TTBK1: variants seen among roughly 807,000 people sequenced by gnomAD.
TTBK1 encodes the protein tau-tubulin kinase 1.
TTBK1 carries 34 observed loss-of-function variants against 108.5 expected under a neutral mutation model. The ratio of observed to expected loss-of-function variants is 0.31; its 90% CI spans 0.24 to 0.42. The LOEUF (loss-of-function observed/expected upper bound fraction) is 0.42. Among genes scored for constraint, TTBK1 ranks in the 10% least tolerant of loss-of-function variants. The probability of loss-of-function intolerance (pLI) is 1.00; values close to 1 mark genes in which losing one functional copy is unlikely to be tolerated. For missense variants in TTBK1, 1,539 were observed against 1,826.0 expected (o/e 0.84, Z 2.86); for synonymous variants, 809 against 795.1 (o/e 1.02, Z -0.29).
chr6:43,283,094 G>C lies in TTBK1; in HGVS notation c.2354G>C (p.Arg785Pro). Residue 785 changes from arginine to proline, a missense_variant, in exon 14 of 15, where the codon CGT (arginine) becomes CCT (proline). Transcript: ENST00000259750. This position sits in a 1 kb window ranked among gnomAD's most constrained non-coding sequence, Gnocchi z 8.1. ...AVALGEVLGP[R>P]SGSSSEGSER... Reference sequence around the variant, plus strand: ...GCCTTGGGGGAGGTGCTGGGGCCTCGTAGTGGCTCCAGCAGTGAGGGGAGT... The same window carrying C: ...GCCTTGGGGGAGGTGCTGGGGCCTCCTAGTGGCTCCAGCAGTGAGGGGAGT... 6.3e-7 allele frequency: 1 copy of C among 1,583,774 alleles called. No homozygotes were observed. The highest frequency in any genetic ancestry group is 1.9e-4 in the Middle Eastern group (1 of 5,254).
At chr6:43,271,867 C>CG in intron 13 of TTBK1, 12 of 602,866 alleles carry the variant, frequency 2.0e-5, no homozygotes, top group Non-Finnish European at 2.3e-5. Flanking sequence ...AATACTTGTG[C>CG]CCCACCCCCA....
At chr6:43,244,318 C>T (rs1175199327) in intron 1 of TTBK1, among the ~76,000 whole-genome samples, 1 of 152,174 alleles carries the variant, frequency 6.6e-6, no homozygotes. Context: ...CTCACACACA[C>T]CTGCTGACAC....
Position 43,257,051 on chromosome 6 carries a change from A to G in TTBK1, c.862-761A>G, listed in dbSNP as rs991183176. Among the ~76,000 whole-genome samples, 2 of 152,238 alleles carry G rather than the reference A, an allele frequency of 1.3e-5. No individual in the cohort carries two copies. Among genetic ancestry groups the G allele is most frequent in the Non-Finnish European group, 2.9e-5 (2 of 68,044 alleles). On this transcript the variant is annotated intron_variant, in intron 9 of 14. Transcript: ENST00000259750. The surrounding 1 kb of genome is among the most constrained non-coding windows in gnomAD (Gnocchi z 4.5). ...ACGATGCTGCATACTGTAGGAGTAG[A>G]GACAGCCTGAGGCACACAGGATGCA...
At chr6:43,271,466 T>C (rs1219305897) in intron 13 of TTBK1, 1 of 985,298 alleles carries the variant, frequency 1.0e-6, no homozygotes, top group Non-Finnish European at 1.2e-6. Flanking sequence ...GCCAGAAAGA[T>C]GTCTATGCAG....
chr6:43,250,442 C>T (rs188742795), intron 2 of TTBK1, among the ~76,000 whole-genome samples: 3 of 150,814 alleles, frequency 2.0e-5, no homozygotes, highest in African/African-American at 7.3e-5. Flanking sequence ...CTGCAGCCTC[C>T]GCCTCCCGGG....
At position 43,282,703 on chromosome 6, in the gene TTBK1, G is replaced by A. The variant is rs749696986; in HGVS notation, c.1987-24G>A. On this transcript the variant is annotated intron_variant, in intron 13 of 14. Coordinates refer to ENST00000259750, the MANE Select transcript of TTBK1 (RefSeq NM_032538.3). The surrounding 1 kb of genome is among the most constrained non-coding windows in gnomAD (Gnocchi z 5.4). Reference sequence around the variant, plus strand: ...CCCAGGAGGGTGGGTGACCTCAGAGGGTCCCTGTGTATGCCCCTTGCAGGT... The same window carrying A: ...CCCAGGAGGGTGGGTGACCTCAGAGAGTCCCTGTGTATGCCCCTTGCAGGT... 1 of 1,567,368 alleles carries A rather than the reference G, an allele frequency of 6.4e-7. No homozygotes were observed. Among genetic ancestry groups the A allele is most frequent in the Admixed American group, 1.9e-5 (1 of 52,098 alleles).
rs1778406495 is a variant in TTBK1, at chr6:43,287,332, CTCCTGGTGCCCAGG to C, written c.*1957_*1970del. 6.6e-6 allele frequency: 1 copy of C among 152,590 alleles called. No homozygotes were observed. Among genetic ancestry groups the C allele is most frequent in the African/African-American group, 2.4e-5 (1 of 41,404 alleles). The allele number at this position is 152,590 out of a possible 1,614,324, so 9.5% of individuals were successfully genotyped here. A position where few individuals can be genotyped will look rare whatever the true frequency, so the allele number is the denominator to read the frequency against. ...GTGCCAGGTGGGGACCAGGATATGA[CTCCTGGTGCCCAGG>C]CCCTGGGCCTGCTCCTTGCCACCAA... is the stretch of plus-strand genomic sequence containing the variant. On this transcript the variant is annotated 3_prime_UTR_variant, in exon 15 of 15. Transcript: ENST00000259750. The surrounding 1 kb of genome is among the most constrained non-coding windows in gnomAD (Gnocchi z 4.1).
rs760249935 is a variant in TTBK1, at chr6:43,282,940, G to A, written c.2200G>A (p.Glu734Lys). ...PVQPQANGKE[E>K]EEEEEEDEEE... is the part of the protein sequence containing the mutation. ...TCAGCCTCAGGCTAATGGGAAGGAGGAAGAGGAGGAGGAGGAGGAAGATGA... is the reference window on the plus strand; with the variant it reads ...TCAGCCTCAGGCTAATGGGAAGGAGAAAGAGGAGGAGGAGGAGGAAGATGA... Residue 734 changes from glutamate to lysine, a missense_variant, in exon 14 of 15, where the codon GAA becomes AAA. Physicochemically the swap from Glu to Lys is moderately conservative, Grantham distance 56. Coordinates refer to ENST00000259750, the MANE Select transcript of TTBK1 (RefSeq NM_032538.3). This position sits in a 1 kb window ranked among gnomAD's most constrained non-coding sequence, Gnocchi z 5.4. The A allele has an allele frequency of 4.3e-6, 7 of 1,612,200 alleles. No individual in the cohort carries two copies. The Admixed American group carries it at 8.3e-5, about 19-fold the overall frequency.
chr6:43,252,962 G>T, intron 3 of TTBK1, 76 bp downstream of exon 3: 2 of 1,546,004 alleles, frequency 1.3e-6, no homozygotes, highest in Non-Finnish European at 8.8e-7. Context: ...AAGATCAGAA[G>T]CTGGGGTGAG....
chr6:43,280,991 G>C (rs7760749), intron 13 of TTBK1, among the ~76,000 whole-genome samples: 52,326 of 151,868 alleles, frequency 0.34, 10,213 homozygotes, highest in African/African-American at 0.54. Flanking sequence ...GGCAGGGGAC[G>C]GAGGGTGTTG....
rs938827837 is a variant in TTBK1, at chr6:43,283,192, G to T, written c.2452G>T (p.Gly818Cys). The change falls in exon 14 of 15, where the codon GGC (glycine) becomes TGC (cysteine). Residue 818 changes from glycine to cysteine, a missense_variant. Physicochemically the swap from Gly to Cys is radical, Grantham distance 159 (BLOSUM62 -3). Transcript: ENST00000259750. This position sits in a 1 kb window ranked among gnomAD's most constrained non-coding sequence, Gnocchi z 8.1. ...LLADDQKESRGRASMADGDLE... is the reference protein window; with the variant it reads ...LLADDQKESRCRASMADGDLE... ...GGCAGACGATCAGAAGGAGTCCAGG[G>T]GCCGGGCCTCCATGGCCGATGGGGA... 1.9e-6 allele frequency: 3 copies of T among 1,553,238 alleles called. No individual in the cohort carries two copies. In the African/African-American group the frequency reaches 4.1e-5, roughly 21 times the overall value.
At chr6:43,281,637 G>A (rs142097143) in intron 13 of TTBK1, among the ~76,000 whole-genome samples, 2,718 of 152,252 alleles carry the variant, frequency 0.018, 72 homozygotes, top group African/African-American at 0.056. Context: ...CCTTGGCAGC[G>A]TAGATGGGCA....
At chr6:43,249,850 T>C (rs570669047) in intron 2 of TTBK1, among the ~76,000 whole-genome samples, 1 of 152,276 alleles carries the variant, frequency 6.6e-6, no homozygotes, top group South Asian at 2.1e-4. Flanking sequence ...GTACTGGGAT[T>C]ACAGGCGTGA....
In TTBK1 at chr6:43,269,816, G is replaced by A; in HGVS notation, c.1986+6466G>A. 1 of 1,543,436 alleles carries A rather than the reference G, an allele frequency of 6.5e-7. No individual in the cohort carries two copies. Among genetic ancestry groups the A allele is most frequent in the Non-Finnish European group, 8.7e-7 (1 of 1,150,296 alleles). On this transcript the variant is annotated intron_variant, in intron 13 of 14. Transcript: ENST00000259750. This position sits in a 1 kb window ranked among gnomAD's most constrained non-coding sequence, Gnocchi z 4.8. ...TCATTCAGCGCAGCCGCTCGGCTGA[G>A]AGCAGCCCTGTGCGGGCGCCCCACC... is the stretch of plus-strand genomic sequence containing the variant.
chr6:43,272,726 CGGCAGAGCTTCACATG>C (rs1168662126), intron 13 of TTBK1: 2 of 971,422 alleles, frequency 2.1e-6, no homozygotes, highest in Non-Finnish European at 2.4e-6. Context: ...ATGTGAAGCT[CGGCAGAGCTTCACATG>C]GTTTGGGTCG....
At position 43,263,946 on chromosome 6, in the gene TTBK1, G is replaced by A. The variant is rs1777611756; in HGVS notation, c.1986+596G>A. ...TGTCCCAGTGGCTTGGGCTGAGGTG[G>A]GGCTGTGGATGTGGGGCAAGGTGGA... is the stretch of plus-strand genomic sequence containing the variant. On this transcript the variant is annotated intron_variant, in intron 13 of 14. Transcript: ENST00000259750. The surrounding 1 kb of genome is among the most constrained non-coding windows in gnomAD (Gnocchi z 4.7). Among the ~76,000 whole-genome samples, 1 of 152,214 alleles carries A rather than the reference G, an allele frequency of 6.6e-6. No individual in the cohort carries two copies. The highest frequency in any genetic ancestry group is 1.5e-5 in the Non-Finnish European group (1 of 68,032).
rs1477396177 is a variant in TTBK1 at position 43,287,758 on chromosome 6, C to T, written c.*2382C>T. On this transcript the variant is annotated 3_prime_UTR_variant, in exon 15 of 15. Coordinates refer to ENST00000259750, the MANE Select transcript of TTBK1 (RefSeq NM_032538.3). This position sits in a 1 kb window ranked among gnomAD's most constrained non-coding sequence, Gnocchi z 4.1. ...CCTCCTCCCCCTGAGCATTCATTCT[C>T]TCCACCAGGCCTCCAGGTCCTGAGC... 2 of 152,772 alleles carry T rather than the reference C, an allele frequency of 1.3e-5. No individual in the cohort carries two copies. The highest frequency in any genetic ancestry group is 2.9e-5 in the Non-Finnish European group (2 of 68,410). 9.5% of individuals were successfully genotyped at this position (152,772 alleles called of 1,614,324 possible).
At chr6:43,262,689 C>A in intron 12 of TTBK1, 100 bp from the exon 13 acceptor site, 1 of 1,233,474 alleles carries the variant, frequency 8.1e-7, no homozygotes, top group South Asian at 1.6e-5. Flanking sequence ...GTACTGCGGT[C>A]AGGAGGTTTT....
chr6:43,273,169 TA>T lies in TTBK1; in HGVS notation c.1987-9552del, dbSNP rs1217654701. On this transcript the variant is annotated intron_variant, in intron 13 of 14. Coordinates refer to ENST00000259750, the MANE Select transcript of TTBK1 (RefSeq NM_032538.3). This position sits in a 1 kb window ranked among gnomAD's most constrained non-coding sequence, Gnocchi z 4.2. ...AGAACATTTTATTTACCAGAACATA[TA>T]AAAAACCCACCCATGCCGAATAATC... 6.6e-6 allele frequency among the ~76,000 whole-genome samples: 1 copy of T among 152,142 alleles called. No homozygotes were observed. Among genetic ancestry groups the T allele is most frequent in the Non-Finnish European group, 1.5e-5 (1 of 68,016 alleles).
Sources: gnomAD v4.1 joint callset for allele counts (sites outside exome capture counted in the v4.1 genomes callset) on GRCh38, gnomAD v4.1.1 for gene constraint, Gnocchi (gnomAD v3.1) non-coding constraint, MANE v1.5 for transcripts, NCBI Gene and HGNC (gene_info 2026-07-23, HGNC 2026-07-21) for gene names.